Variants in GNG12 observed in about 807,000 individuals in gnomAD.
GNG12 encodes the protein G protein subunit gamma 12, also known as guanine nucleotide-binding protein G(I)/G(S)/G(O) subunit gamma-12.
For missense variants in GNG12, 69 were observed against 83.8 expected, an observed-to-expected ratio of 0.82 and a Z score of 0.69; for synonymous variants, 28 against 29.7, an observed-to-expected ratio of 0.94 and a Z score of 0.19.
chr1:67,794,896 C>T (rs1646821160), intron 1 of GNG12, among the ~76,000 whole-genome samples: 1 of 152,212 alleles, frequency 6.6e-6, no homozygotes, highest in Non-Finnish European at 1.5e-5. Flanking sequence ...CACCCACCTA[C>T]CTGCCAACCC....
At chr1:67,832,980 A>C (rs1401207687) in intron 1 of GNG12, among the ~76,000 whole-genome samples, 1 of 152,060 alleles carries the variant, frequency 6.6e-6, no homozygotes, top group Non-Finnish European at 1.5e-5. Context: ...AAGCGAGCTC[A>C]AGGGGAGACC....
chr1:67,748,261 G>A (rs1490196239), intron 2 of GNG12, among the ~76,000 whole-genome samples: 1 of 152,152 alleles, frequency 6.6e-6, no homozygotes, highest in Non-Finnish European at 1.5e-5. Context: ...GAAGTTCTGG[G>A]CATTTGGAAG....
At chr1:67,731,826 G>A (rs1646421763) in intron 2 of GNG12, among the ~76,000 whole-genome samples, 1 of 152,146 alleles carries the variant, frequency 6.6e-6, no homozygotes, top group South Asian at 2.1e-4. Context: ...TGCCTCTGTG[G>A]TATTTCACTG....
At chr1:67,828,843 TTC>T (rs935548829) in intron 1 of GNG12, among the ~76,000 whole-genome samples, 1 of 152,236 alleles carries the variant, frequency 6.6e-6, no homozygotes, top group African/African-American at 2.4e-5. Context: ...CTGAAAGGCC[TTC>T]TCTTTTACCG....
intron 1 of GNG12, among the ~76,000 whole-genome samples, chr1:67,798,934 C>A (rs889757671): frequency 6.6e-6 from 1 of 151,718 alleles, no homozygotes; most frequent in African/African-American, 2.4e-5. Context: ...AGCCTGGCGG[C>A]AGAGCAAGGC....
chr1:67,722,144 G>T (rs755296082), intron 2 of GNG12, among the ~76,000 whole-genome samples: 4 of 152,046 alleles, frequency 2.6e-5, no homozygotes, highest in Non-Finnish European at 4.4e-5. Context: ...AAACCGAAAA[G>T]CCCAAACACC....
At position 67,709,559 on chromosome 1, in the gene GNG12, T is replaced by G. The variant is rs548106407; in HGVS notation, c.-26-1847A>C. The stretch of plus-strand genomic sequence containing the variant: ...AGGGCAGGGTGGGCTTGCCTTGTGC[T>G]AAGCCTTGGACAAGCTCATTTCAAC... On this transcript the variant is annotated intron_variant, in intron 2 of 3. Coordinates refer to ENST00000370982, the MANE Select transcript of GNG12 (RefSeq NM_018841.6). Among the ~76,000 whole-genome samples, 89 of 152,036 alleles carry G rather than the reference T, an allele frequency of 5.9e-4. 1 individual carries two copies. The highest frequency in any genetic ancestry group is 2.0e-3 in the African/African-American group (84 of 41,456).
chr1:67,819,008 G>A (rs533835595), intron 1 of GNG12, among the ~76,000 whole-genome samples: 9 of 152,262 alleles, frequency 5.9e-5, no homozygotes, highest in African/African-American at 2.2e-4. Context: ...ATGAGTTCAG[G>A]AAGTGACCCA....
intron 2 of GNG12, among the ~76,000 whole-genome samples, chr1:67,736,098 G>A (rs1646450737): frequency 6.6e-6 from 1 of 152,084 alleles, no homozygotes; most frequent in Admixed American, 6.5e-5. Context: ...TCAACAGGAT[G>A]TCTTCCTGTT....
At chr1:67,706,293 G>C (rs1228448947) in intron 3 of GNG12, among the ~76,000 whole-genome samples, 1 of 152,204 alleles carries the variant, frequency 6.6e-6, no homozygotes, top group African/African-American at 2.4e-5. Flanking sequence ...TTGGAATGCA[G>C]AACACACTTT....
intron 2 of GNG12, among the ~76,000 whole-genome samples, chr1:67,738,378 A>G (rs553449373): frequency 5.3e-5 from 8 of 152,338 alleles, no homozygotes; most frequent in African/African-American, 1.4e-4. Flanking sequence ...TTAGATATAC[A>G]TAACTGAATG....
intron 2 of GNG12, among the ~76,000 whole-genome samples, chr1:67,726,106 A>T (rs1022375542): frequency 1.3e-5 from 2 of 152,220 alleles, no homozygotes; most frequent in East Asian, 3.8e-4. Flanking sequence ...GGCTAATTTC[A>T]GCCTCAGGTT....
chr1:67,728,952 G>A (rs1170022724), intron 2 of GNG12, among the ~76,000 whole-genome samples: 2 of 152,160 alleles, frequency 1.3e-5, no homozygotes, highest in African/African-American at 2.4e-5. Context: ...GAACATAAGT[G>A]ACAGTTAAGA....
At chr1:67,733,330 T>A (rs1367036156) in intron 2 of GNG12, among the ~76,000 whole-genome samples, 5 of 152,252 alleles carry the variant, frequency 3.3e-5, no homozygotes, top group Non-Finnish European at 7.3e-5. Flanking sequence ...GTTAAAACTC[T>A]TGCCTTCAAA....
At chr1:67,812,503 A>C (rs1362554060) in intron 1 of GNG12, among the ~76,000 whole-genome samples, 1 of 151,914 alleles carries the variant, frequency 6.6e-6, no homozygotes, top group East Asian at 1.9e-4. Context: ...TGAGCCATCT[A>C]CTCCACTCAT....
At chr1:67,760,095 T>G (rs537267429) in intron 2 of GNG12, among the ~76,000 whole-genome samples, 1 of 152,342 alleles carries the variant, frequency 6.6e-6, no homozygotes, top group Non-Finnish European at 1.5e-5. Context: ...TCATAACCAC[T>G]AACTTTGTAG....
chr1:67,780,758 C>A (rs1354547684), intron 1 of GNG12, among the ~76,000 whole-genome samples: 1 of 152,120 alleles, frequency 6.6e-6, no homozygotes, highest in Non-Finnish European at 1.5e-5. Context: ...GGAGAAGAAG[C>A]AACTCGGAGC....
intron 1 of GNG12, among the ~76,000 whole-genome samples, chr1:67,826,816 C>T (rs1034174472): frequency 7.2e-5 from 11 of 152,062 alleles, no homozygotes; most frequent in African/African-American, 2.2e-4. Flanking sequence ...GAGAAAAAAC[C>T]TTATGTTTTT....
chr1:67,833,113 C>A (rs1308537737), intron 1 of GNG12, among the ~76,000 whole-genome samples: 4 of 151,590 alleles, frequency 2.6e-5, no homozygotes, highest in African/African-American at 7.3e-5. Flanking sequence ...TGTCCCTTGG[C>A]CCCTTCCTCC....
Sources: allele counts gnomAD v4.1 joint callset (sites outside exome capture counted in the v4.1 genomes callset), GRCh38; gene constraint gnomAD v4.1.1; transcripts MANE v1.5; gene names NCBI Gene and HGNC (gene_info 2026-07-23, HGNC 2026-07-21).